ZNF805: variants seen among roughly 807,000 people sequenced by gnomAD.
ZNF805 encodes the protein zinc finger protein 805.
ZNF805 carries 7 observed loss-of-function variants against 13.6 expected under a neutral mutation model. The observed-to-expected ratio is 0.51, with a 90% CI of 0.29 to 0.97. The LOEUF (loss-of-function observed/expected upper bound fraction) is 0.97. ZNF805 is among the 50% of genes least tolerant of loss of function. The pLI, the probability that ZNF805 is intolerant of heterozygous loss-of-function variation, is 0.08. For missense variants in ZNF805, 604 were observed against 771.0 expected (o/e 0.78, Z 2.57); for synonymous variants, 293 against 279.8 (o/e 1.05, Z -0.47).
rs562835150 is a variant in ZNF805 at position 57,244,292 on chromosome 19, T to A, written c.157+243T>A. 8.2e-5 allele frequency among the ~76,000 whole-genome samples: 11 copies of A among 134,038 alleles called. No individual in the cohort carries two copies. In the Admixed American group the frequency reaches 9.5e-4, roughly 12 times the overall value. 87.9% of individuals were successfully genotyped at this position (134,038 alleles called of 152,430 possible). ...AACTCGGGTCACTGCAACCTCCGCC[T>A]CCCAGGTTCAAGCGATTCTTCTGCC... is the stretch of plus-strand genomic sequence containing the variant. On this transcript the variant is annotated intron_variant, in intron 2 of 3. Transcript: ENST00000414468.
chr19:57,240,640 C>G lies in ZNF805; in HGVS notation c.-252C>G, dbSNP rs2087572337. ...CGTAATTTGGGAGCGACGGTTCCGT[C>G]CACGCCGGCTCTAGGGAGGGGGCGG... On this transcript the variant is annotated 5_prime_UTR_variant, in exon 1 of 4. Coordinates refer to ENST00000414468, the MANE Select transcript of ZNF805 (RefSeq NM_001023563.4). 6.0e-6 allele frequency: 3 copies of G among 498,938 alleles called. No individual in the cohort carries two copies. In the South Asian group the frequency reaches 9.4e-5, roughly 16 times the overall value. The allele number at this position is 498,938 out of a possible 1,614,324, so 30.9% of individuals were successfully genotyped here.
intron 3 of ZNF805, among the ~76,000 whole-genome samples, chr19:57,252,526 T>C (rs568751411): frequency 1.3e-5 from 2 of 152,286 alleles, no homozygotes; most frequent in African/African-American, 4.8e-5. Flanking sequence ...GCATTGAGTG[T>C]AAAATATGTG....
chr19:57,244,807 G>A (rs2087602375), intron 2 of ZNF805, among the ~76,000 whole-genome samples: 1 of 152,156 alleles, frequency 6.6e-6, no homozygotes, highest in Non-Finnish European at 1.5e-5. Flanking sequence ...TACTGTTTGT[G>A]ACCCCTCCTT....
At chr19:57,244,810 C>T (rs370490655) in intron 2 of ZNF805, among the ~76,000 whole-genome samples, 116 of 152,170 alleles carry the variant, frequency 7.6e-4, no homozygotes, top group South Asian at 1.7e-3. Context: ...TGTTTGTGAC[C>T]CCTCCTTCCC....
chr19:57,258,187 G>T lies in ZNF805; in HGVS notation c.*3484G>T, dbSNP rs903406799. On this transcript the variant is annotated 3_prime_UTR_variant, in exon 4 of 4. Coordinates refer to ENST00000414468, the MANE Select transcript of ZNF805 (RefSeq NM_001023563.4). ...CTAGCTAATTTTTATATTTTTAGTA[G>T]AGACGGGGTTTCATCATGTTGGTCA... 6.6e-6 allele frequency among the ~76,000 whole-genome samples: 1 copy of T among 151,204 alleles called. No homozygotes were observed. The highest frequency in any genetic ancestry group is 2.4e-5 in the African/African-American group (1 of 41,110).
In ZNF805 at chr19:57,254,316, A is replaced by G. The variant is rs370257728; in HGVS notation, c.1497A>G (p.Thr499=). 4.7e-5 allele frequency: 76 copies of G among 1,612,944 alleles called. No homozygotes were observed. Among genetic ancestry groups the G allele is most frequent in the Admixed American group, 3.8e-4 (23 of 59,920 alleles). The change falls in exon 4 of 4, where the codon ACA becomes ACG. Residue 499 remains threonine (T), a synonymous_variant. Transcript: ENST00000414468. ...CCTTCAACCGCAGGTCAGGCCTCACAAGGCACCAGCGGATTCATAGTGGAG... is the reference window on the plus strand; with the variant it reads ...CCTTCAACCGCAGGTCAGGCCTCACGAGGCACCAGCGGATTCATAGTGGAG... ...GKAFNRRSGL[T]RHQRIHSGEK...
In ZNF805 at chr19:57,254,863, T is replaced by C. The variant is rs924717276; in HGVS notation, c.*160T>C. 7 of 718,500 alleles carry C rather than the reference T, an allele frequency of 9.7e-6. No individual in the cohort carries two copies. In the South Asian group the frequency reaches 1.2e-4, roughly 12 times the overall value. The allele number at this position is 718,500 out of a possible 1,614,324, so 44.5% of individuals were successfully genotyped here. ...TTTAGCTCCATCTTTCTCATTAGTT[T>C]ACAGTGCAATGTTATCTCAGGAATT... On this transcript the variant is annotated 3_prime_UTR_variant, in exon 4 of 4. Coordinates refer to ENST00000414468, the MANE Select transcript of ZNF805 (RefSeq NM_001023563.4).
At position 57,240,732 on chromosome 19, in the gene ZNF805, G is replaced by A. The variant is rs2087573563; in HGVS notation, c.-160G>A. ...AGGTAGGAGGCCGACAGCGACCTCC[G>A]CGTCTCGGAGCGAACCGTGAGCCTC... On this transcript the variant is annotated 5_prime_UTR_variant, in exon 1 of 4. Transcript: ENST00000414468. 1.6e-6 allele frequency: 1 copy of A among 622,064 alleles called. No individual in the cohort carries two copies. Among genetic ancestry groups the A allele is most frequent in the African/African-American group, 1.9e-5 (1 of 52,090 alleles). 38.5% of individuals were successfully genotyped at this position (622,064 alleles called of 1,614,324 possible).
chr19:57,250,267 T>C (rs1302484020), intron 3 of ZNF805, among the ~76,000 whole-genome samples: 2 of 152,162 alleles, frequency 1.3e-5, no homozygotes, highest in East Asian at 3.9e-4. Context: ...AGTTTTGCTC[T>C]TGTTGCCCAG....
Position 57,258,685 on chromosome 19 carries a change from G to T in ZNF805, c.*3982G>T, listed in dbSNP as rs1202863478. Among the ~76,000 whole-genome samples, 2 of 151,944 alleles carry T rather than the reference G, an allele frequency of 1.3e-5. No individual in the cohort carries two copies. Among genetic ancestry groups the T allele is most frequent in the Non-Finnish European group, 2.9e-5 (2 of 67,994 alleles). ...TCTAAAGTAATTCCTCTTCAAAATT[G>T]AGCACCATGTTGGAAAATGTAATTT... On this transcript the variant is annotated 3_prime_UTR_variant, in exon 4 of 4. Transcript: ENST00000414468.
rs143239219 is a variant in ZNF805, at chr19:57,251,725, G to T, written c.254-1348G>T. ...AAAAGGTATTCTTGTTTATTTTATT[G>T]TAAGTTGTAAAACTTGCCATTTGGC... On this transcript the variant is annotated intron_variant, in intron 3 of 3. Transcript: ENST00000414468. Among the ~76,000 whole-genome samples, 717 of 151,996 alleles carry T rather than the reference G, an allele frequency of 4.7e-3. 4 individuals are homozygous for T. Among genetic ancestry groups the T allele is most frequent in the Middle Eastern group, 0.017 (5 of 292 alleles).
chr19:57,258,007 A>ATTT lies in ZNF805; in HGVS notation c.*3324_*3326dup, dbSNP rs56311072. Among the ~76,000 whole-genome samples the ATTT allele has an allele frequency of 2.1e-5, 2 of 95,680 alleles. No homozygotes were observed. Among genetic ancestry groups the ATTT allele is most frequent in the Non-Finnish European group, 4.0e-5 (2 of 50,304 alleles). 62.8% of individuals were successfully genotyped at this position (95,680 alleles called of 152,430 possible). On this transcript the variant is annotated 3_prime_UTR_variant, in exon 4 of 4. Transcript: ENST00000414468. ...ACTGGTATGAGCAACCACGCACAGC[A>ATTT]TTTTTTTTTTTTTTTTTTTTTTGAG...
chr19:57,261,307 G>A lies in ZNF805; in HGVS notation c.*6604G>A, dbSNP rs2087722405. Reference sequence around the variant, plus strand: ...ACTGTAGAAAAGACGGAGAATGTCTGGGTTTGAGGATATGTGGGAGGGGTG... The same window carrying A: ...ACTGTAGAAAAGACGGAGAATGTCTAGGTTTGAGGATATGTGGGAGGGGTG... On this transcript the variant is annotated 3_prime_UTR_variant, in exon 4 of 4. Transcript: ENST00000414468. The A allele has an allele frequency of 6.0e-6, 1 of 167,062 alleles. No homozygotes were observed. The highest frequency in any genetic ancestry group is 2.4e-5 in the African/African-American group (1 of 41,436). The allele number at this position is 167,062 out of a possible 1,614,324, so 10.3% of individuals were successfully genotyped here.
intron 1 of ZNF805, 46 bp downstream of exon 1, chr19:57,240,967 G>A (rs776167495): frequency 1.2e-5 from 18 of 1,549,266 alleles, no homozygotes; most frequent in Admixed American, 3.9e-5. Flanking sequence ...GCTAGTTCGG[G>A]GAAGCCTCCT....
In ZNF805 at chr19:57,253,226, G is replaced by A. The variant is rs1392242768; in HGVS notation, c.407G>A (p.Gly136Glu). 1.3e-6 allele frequency: 2 copies of A among 1,557,610 alleles called. No homozygotes were observed. Among genetic ancestry groups the A allele is most frequent in the Non-Finnish European group, 1.7e-6 (2 of 1,150,734 alleles). The change falls in exon 4 of 4, where the codon GGA becomes GAA. Residue 136 changes from glycine to glutamate, a missense_variant. By Grantham distance (98) the Gly-to-Glu change is moderately conservative. Coordinates refer to ENST00000414468, the MANE Select transcript of ZNF805 (RefSeq NM_001023563.4). This position sits in a 1 kb window ranked among gnomAD's most constrained non-coding sequence, Gnocchi z 4.4. ...CAGGATGGGTTTTCAGAAATGCAGGGAGAACGCTTGAGACCAGGGTTAGAT... is the reference window on the plus strand; with the variant it reads ...CAGGATGGGTTTTCAGAAATGCAGGAAGAACGCTTGAGACCAGGGTTAGAT... The part of the protein sequence containing the change: ...KDQDGFSEMQ[G>E]ERLRPGLDSQ...
intron 3 of ZNF805, among the ~76,000 whole-genome samples, chr19:57,251,440 G>A (rs2087651279): frequency 2.0e-5 from 3 of 152,036 alleles, no homozygotes; most frequent in Middle Eastern, 3.2e-3. Flanking sequence ...ATGTTATTTG[G>A]TGATAAATGC....
intron 2 of ZNF805, among the ~76,000 whole-genome samples, chr19:57,246,161 C>T (rs79005837): frequency 0.025 from 3,782 of 152,254 alleles, 156 homozygotes; most frequent in African/African-American, 0.086. Context: ...AGCATGAGCT[C>T]ACAGGGACCA....
intron 1 of ZNF805, among the ~76,000 whole-genome samples, chr19:57,241,708 A>G (rs1411610801): frequency 6.6e-6 from 1 of 151,778 alleles, no homozygotes; most frequent in Non-Finnish European, 1.5e-5. Flanking sequence ...TCAGCCCTTC[A>G]GACATATCAA....
In ZNF805 at chr19:57,245,579, A is replaced by G. The variant is rs558421924; in HGVS notation, c.157+1530A>G. 1.7e-4 allele frequency among the ~76,000 whole-genome samples: 25 copies of G among 149,638 alleles called. No individual in the cohort carries two copies. In the South Asian group the frequency reaches 1.7e-3, roughly 10 times the overall value. ...CGGATCACAAGGTCAGGAGATAGAG[A>G]CCATCCTGGCTAACACGGTGCAACC... On this transcript the variant is annotated intron_variant, in intron 2 of 3. Transcript: ENST00000414468.
Sources: gnomAD v4.1 joint callset for allele counts (sites outside exome capture counted in the v4.1 genomes callset) on GRCh38, gnomAD v4.1.1 for gene constraint, Gnocchi (gnomAD v3.1) non-coding constraint, MANE v1.5 for transcripts, NCBI Gene and HGNC (gene_info 2026-07-23, HGNC 2026-07-21) for gene names.